Variants in SCPEP1 observed in about 807,000 individuals in gnomAD.
SCPEP1 encodes the protein serine carboxypeptidase 1.
A neutral mutation model predicts 63.8 loss-of-function variants in SCPEP1; 51 were observed. The observed-to-expected ratio is 0.80, with a 90% confidence interval of 0.64 to 1.01. SCPEP1 has a LOEUF of 1.01. Ranked by LOEUF, SCPEP1 falls within the 50% of genes least tolerant of loss-of-function variation. SCPEP1 has a pLI of 0.00. For synonymous variants in SCPEP1, 204 were observed against 207.8 expected (o/e 0.98, Z 0.16); for missense variants, 499 against 554.9 (o/e 0.90, Z 1.01).
rs141062927 is a variant in SCPEP1 at position 56,999,043 on chromosome 17, T to C, written c.994+545T>C. ...GGGGAGGGAAATAATGTGTAATTGGTTGTGAGTTAATAATTGTTGAAGCCT... is the reference window on the plus strand; with the variant it reads ...GGGGAGGGAAATAATGTGTAATTGGCTGTGAGTTAATAATTGTTGAAGCCT... On this transcript the variant is annotated intron_variant, in intron 10 of 12. Transcript: ENST00000262288. Among the ~76,000 whole-genome samples, 8 of 152,136 alleles carry C rather than the reference T, an allele frequency of 5.3e-5. No homozygotes were observed. In the East Asian group the frequency reaches 1.5e-3, roughly 29 times the overall value.
intron 1 of SCPEP1, among the ~76,000 whole-genome samples, chr17:56,980,753 A>G (rs1243010593): frequency 6.9e-6 from 1 of 145,918 alleles, no homozygotes; most frequent in Non-Finnish European, 1.5e-5. Context: ...GCGCCATTGC[A>G]TTCCAGCCTG....
chr17:56,981,835 A>T (rs1347477891), intron 2 of SCPEP1, among the ~76,000 whole-genome samples: 1 of 152,146 alleles, frequency 6.6e-6, no homozygotes, highest in Admixed American at 6.6e-5. Flanking sequence ...AGAAAAAAGA[A>T]AAGAAAGTGT....
intron 6 of SCPEP1, 111 bp downstream of exon 6, chr17:56,991,282 C>T (rs976168832): frequency 2.3e-6 from 2 of 867,676 alleles, no homozygotes; most frequent in African/African-American, 3.3e-5. Flanking sequence ...TGTTCTGGGC[C>T]CTTAGAGAAA....
In SCPEP1 at chr17:56,995,617, A is replaced by G; in HGVS notation, c.768A>G (p.Ala256=). 6.2e-7 allele frequency: 1 copy of G among 1,613,926 alleles called. No individual in the cohort carries two copies. The highest frequency in any genetic ancestry group is 8.5e-7 in the Non-Finnish European group (1 of 1,179,936). The stretch of plus-strand genomic sequence containing the variant: ...AGGCCACAGAGCTGTGGGGGAAAGC[A>G]GAAATGATCATTGAACAGGTAAAAA... ...YREATELWGK[A]EMIIEQNTDG... is the part of the protein sequence containing the mutation. The change falls in exon 8 of 13, where the codon GCA becomes GCG. Residue 256 remains alanine, a synonymous_variant. Transcript: ENST00000262288.
Position 56,987,683 on chromosome 17 carries a change from C to G in SCPEP1, c.316-12C>G, listed in dbSNP as rs755674484. 3.1e-6 allele frequency: 5 copies of G among 1,608,274 alleles called. No individual in the cohort carries two copies. In the African/African-American group the frequency reaches 6.7e-5, roughly 22 times the overall value. ...CTGATTGCAACATTTCGTTTTCCTC[C>G]GTGGTACATAGCTCCAGGCTGCCAG... is the stretch of plus-strand genomic sequence containing the variant. On this transcript the variant is annotated splice_polypyrimidine_tract_variant and intron_variant, in intron 3 of 12. Coordinates refer to ENST00000262288, the MANE Select transcript of SCPEP1 (RefSeq NM_021626.3).
chr17:56,992,518 GA>G, intron 6 of SCPEP1, among the ~76,000 whole-genome samples: 2 of 152,264 alleles, frequency 1.3e-5, no homozygotes, highest in Middle Eastern at 6.8e-3. Context: ...TTTCATAACT[GA>G]GCATCCTCAC....
At chr17:56,998,359 C>A in intron 9 of SCPEP1, 26 bp from the exon 10 acceptor site, 8 of 1,443,428 alleles carry the variant, frequency 5.5e-6, no homozygotes, top group Non-Finnish European at 6.8e-6. Flanking sequence ...AGCCCTTTGA[C>A]TCACTATCTA....
At chr17:56,992,658 C>G (rs369952481) in intron 6 of SCPEP1, among the ~76,000 whole-genome samples, 1 of 152,148 alleles carries the variant, frequency 6.6e-6, no homozygotes, top group Admixed American at 6.5e-5. Context: ...GTAATCCTTA[C>G]AACAACTCCA....
At position 56,985,481 on chromosome 17, in the gene SCPEP1, A is replaced by G; in HGVS notation, c.315+14A>G. 2.5e-6 allele frequency: 4 copies of G among 1,602,748 alleles called. No individual in the cohort carries two copies. Among genetic ancestry groups the G allele is most frequent in the Non-Finnish European group, 2.6e-6 (3 of 1,169,732 alleles). ...AAAACCACCTGGGTACAGTGAGGAC[A>G]GTCCTGAGCTAAACCTTGCCCCGTG... On this transcript the variant is annotated intron_variant, in intron 3 of 12. Transcript: ENST00000262288.
chr17:56,981,587 G>C (rs1911069763), intron 2 of SCPEP1, among the ~76,000 whole-genome samples: 1 of 152,150 alleles, frequency 6.6e-6, no homozygotes, highest in Non-Finnish European at 1.5e-5. Flanking sequence ...GGCCGAGGTG[G>C]GTGGATCATA....
chr17:56,995,028 T>C lies in SCPEP1; in HGVS notation c.657+10T>C, dbSNP rs763072102. 3.1e-6 allele frequency: 5 copies of C among 1,611,486 alleles called. No individual in the cohort carries two copies. Among genetic ancestry groups the C allele is most frequent in the South Asian group, 1.1e-5 (1 of 90,994 alleles). ...TTACCTGTACAGCATGGTAAGTAGA[T>C]ACACATCTGCACCCTCTGGGCAAAC... is the stretch of plus-strand genomic sequence containing the variant. On this transcript the variant is annotated intron_variant, in intron 7 of 12. Coordinates refer to ENST00000262288, the MANE Select transcript of SCPEP1 (RefSeq NM_021626.3).
chr17:56,985,696 C>T (rs1911194346), intron 3 of SCPEP1, among the ~76,000 whole-genome samples: 1 of 152,046 alleles, frequency 6.6e-6, no homozygotes, highest in Non-Finnish European at 1.5e-5. Flanking sequence ...TCCAAAACAA[C>T]CCCTCTCTCC....
At chr17:56,992,442 G>A (rs2144491974) in intron 6 of SCPEP1, among the ~76,000 whole-genome samples, 1 of 152,224 alleles carries the variant, frequency 6.6e-6, no homozygotes, top group South Asian at 2.1e-4. Flanking sequence ...GTCAGATACT[G>A]CTCTTTTGTT....
intron 1 of SCPEP1, among the ~76,000 whole-genome samples, chr17:56,980,776 G>A (rs546924383): frequency 1.3e-4 from 16 of 125,164 alleles, no homozygotes; most frequent in African/African-American, 4.7e-4. Flanking sequence ...CAACAAGAGC[G>A]AGACTTCGTA....
Position 56,987,977 on chromosome 17 carries a change from C to G in SCPEP1, c.471+127C>G, listed in dbSNP as rs113867030. 139 of 1,096,616 alleles carry G rather than the reference C, an allele frequency of 1.3e-4. No individual in the cohort carries two copies. In the African/African-American group the frequency reaches 1.9e-3, roughly 15 times the overall value. 67.9% of individuals were successfully genotyped at this position (1,096,616 alleles called of 1,614,324 possible). On this transcript the variant is annotated intron_variant, in intron 4 of 12. Transcript: ENST00000262288. ...ATTTCAGAGAAAACTTTTTAATTCC[C>G]AAGATTGGGTTGTGGACTTTTGTTT...
chr17:56,978,225 C>T lies in SCPEP1; in HGVS notation c.66C>T (p.Gly22=), dbSNP rs1910971628. 2 of 1,551,132 alleles carry T rather than the reference C, an allele frequency of 1.3e-6. No homozygotes were observed. The highest frequency in any genetic ancestry group is 1.7e-6 in the Non-Finnish European group (2 of 1,153,842). The change falls in exon 1 of 13, where the codon GGC becomes GGT. Residue 22 remains glycine, a synonymous_variant. Transcript: ENST00000262288. Reference sequence around the variant, plus strand: ...TGCTGCTGCTGCCGCTGCTGCTGGGCCTGAACGCAGGTAGGTTCAAGCAAG... The same window carrying T: ...TGCTGCTGCTGCCGCTGCTGCTGGGTCTGAACGCAGGTAGGTTCAAGCAAG... ...RWLLLLPLLL[G]LNAGAVIDWP...
chr17:57,000,789 G>T (rs756857723), intron 10 of SCPEP1, 66 bp from the exon 11 acceptor site: 93 of 1,584,994 alleles, frequency 5.9e-5, no homozygotes, highest in Non-Finnish European at 8.0e-5. Context: ...GATGCTCTGG[G>T]CTGAAAGGTA....
At chr17:56,984,337 A>G (rs1004537486) in intron 2 of SCPEP1, 1 of 152,190 alleles carries the variant, frequency 6.6e-6, no homozygotes, top group African/African-American at 2.4e-5. Context: ...GGCCCTTCTC[A>G]TAGACTCCCC....
intron 7 of SCPEP1, 96 bp downstream of exon 7, chr17:56,995,114 A>G (rs946257767): frequency 1.1e-5 from 13 of 1,154,188 alleles, no homozygotes; most frequent in African/African-American, 1.5e-5. Context: ...GAGTTTGCCT[A>G]TGTGGTTGAC....
Sources: allele counts gnomAD v4.1 joint callset (sites outside exome capture counted in the v4.1 genomes callset), GRCh38; gene constraint gnomAD v4.1.1; transcripts MANE v1.5; gene names NCBI Gene and HGNC (gene_info 2026-07-23, HGNC 2026-07-21).